CCDC86: variants seen among roughly 807,000 people sequenced by gnomAD.
The protein encoded by CCDC86 is coiled-coil domain containing 86.
In CCDC86, 28 loss-of-function variants were observed where a neutral mutation model predicts 36.7. That is an observed-to-expected ratio of 0.76 (90% CI 0.57 to 1.05). The LOEUF (loss-of-function observed/expected upper bound fraction) is 1.05. Among genes scored for constraint, CCDC86 ranks in the 50% least tolerant of loss-of-function variants. The pLI is 0.00. For missense variants in CCDC86, 453 were observed against 470.2 expected, an observed-to-expected ratio of 0.96 and a Z score of 0.34; for synonymous variants, 199 against 203.4, an observed-to-expected ratio of 0.98 and a Z score of 0.18.
At position 60,842,321 on chromosome 11, in the gene CCDC86, G is replaced by T; in HGVS notation, c.197G>T (p.Ser66Ile). The T allele has an allele frequency of 6.2e-7, 1 of 1,613,746 alleles. No individual in the cohort carries two copies. The highest frequency in any genetic ancestry group is 8.5e-7 in the Non-Finnish European group (1 of 1,179,926). Residue 66 changes from serine to isoleucine, a missense_variant, in exon 1 of 4, where the codon AGC becomes ATC. Physicochemically the swap from Ser to Ile is moderately radical, Grantham distance 142. Coordinates refer to ENST00000227520, the MANE Select transcript of CCDC86 (RefSeq NM_024098.4). ...TCCCCCGAAAGGCCGCCGAAGACAAGCCCAGGATCACCCCGTCTGCAGCAG... is the reference window on the plus strand; with the variant it reads ...TCCCCCGAAAGGCCGCCGAAGACAATCCCAGGATCACCCCGTCTGCAGCAG... ...LGSPERPPKT[S>I]PGSPRLQQGA... is the part of the protein sequence containing the mutation.
chr11:60,848,813 G>A (rs890913249), intron 2 of CCDC86, among the ~76,000 whole-genome samples: 26 of 152,256 alleles, frequency 1.7e-4, no homozygotes, highest in African/African-American at 6.0e-4. Flanking sequence ...GAGAAAAGGG[G>A]TGGGCCAGTC....
chr11:60,847,980 A>C lies in CCDC86; in HGVS notation c.815A>C (p.Lys272Thr). 6.2e-7 allele frequency: 1 copy of C among 1,613,616 alleles called. No individual in the cohort carries two copies. The highest frequency in any genetic ancestry group is 8.5e-7 in the Non-Finnish European group (1 of 1,179,660). ...PLRTSWQRKM[K>T]ERQERKLAKD... The stretch of plus-strand genomic sequence containing the variant: ...CGCACATCGTGGCAGCGGAAGATGA[A>C]GGAACGACAGGAGAGGAAGCTGGCC... The change falls in exon 2 of 4, where the codon AAG becomes ACG. Residue 272 changes from lysine (K) to threonine (T), a missense_variant. Lys to Thr is a moderately conservative substitution (Grantham distance 78). Transcript: ENST00000227520.
At chr11:60,848,615 G>A (rs895838669) in intron 2 of CCDC86, among the ~76,000 whole-genome samples, 4 of 152,116 alleles carry the variant, frequency 2.6e-5, no homozygotes, top group Non-Finnish European at 5.9e-5. Flanking sequence ...TTTTAAGCGG[G>A]GGGAAGAGGG....
intron 1 of CCDC86, 86 bp downstream of exon 1, chr11:60,842,968 C>A (rs936111249): frequency 2.0e-6 from 3 of 1,474,360 alleles, no homozygotes; most frequent in African/African-American, 2.8e-5. Context: ...TGGAGAATAG[C>A]CCCAGGGTTA....
intron 1 of CCDC86, chr11:60,847,635 C>T: frequency 1.1e-5 from 2 of 182,818 alleles, no homozygotes; most frequent in Non-Finnish European, 2.3e-5. Context: ...TATCTTTAGG[C>T]AGCTATTTAA....
rs1855243699 is a variant in CCDC86 at position 60,850,275 on chromosome 11, C to T, written c.1033C>T (p.Leu345=). 1 of 1,614,192 alleles carries T rather than the reference C, an allele frequency of 6.2e-7. No homozygotes were observed. Residue 345 remains leucine, a synonymous_variant, in exon 4 of 4, where the codon CTG becomes TTG. Transcript: ENST00000227520. ...GCGCTCCATTGAGAAGCGGGACACCCTGGCCCTGCTGCAGAAGCAGCCGCC... is the reference window on the plus strand; with the variant it reads ...GCGCTCCATTGAGAAGCGGGACACCTTGGCCCTGCTGCAGAAGCAGCCGCC... ...QLRSIEKRDT[L]ALLQKQPPQQ... is the part of the protein sequence containing the mutation.
rs1331445800 is a variant in CCDC86 at position 60,847,933 on chromosome 11, G to A, written c.768G>A (p.Gln256=). 4 of 1,611,674 alleles carry A rather than the reference G, an allele frequency of 2.5e-6. No individual in the cohort carries two copies. The highest frequency in any genetic ancestry group is 3.4e-6 in the Non-Finnish European group (4 of 1,178,614). ...WKDRSKKRFS[Q]MLQDKPLRTS... The stretch of plus-strand genomic sequence containing the variant: ...ACTCTCCCCCTTTCAGATTCTCCCA[G>A]ATGCTTCAGGACAAGCCCCTGCGCA... Residue 256 remains glutamine (Q), a synonymous_variant, in exon 2 of 4, where the codon CAG becomes CAA. Coordinates refer to ENST00000227520, the MANE Select transcript of CCDC86 (RefSeq NM_024098.4).
rs767526770 is a variant in CCDC86, at chr11:60,842,559, G to A, written c.435G>A (p.Leu145=). ...AGTTGGCCCAGAATAAGGAGGAGCT[G>A]ACCCCGGGGGCCCCCCAGCATCAGC... ...ASELAQNKEE[L]TPGAPQHQLP... The change falls in exon 1 of 4, where the codon CTG becomes CTA. Residue 145 remains leucine, a synonymous_variant. Coordinates refer to ENST00000227520, the MANE Select transcript of CCDC86 (RefSeq NM_024098.4). 1.2e-6 allele frequency: 2 copies of A among 1,613,144 alleles called. No homozygotes were observed. Among genetic ancestry groups the A allele is most frequent in the South Asian group, 2.2e-5 (2 of 91,066 alleles).
chr11:60,842,908 G>A, intron 1 of CCDC86, 26 bp downstream of exon 1: 2 of 1,538,498 alleles, frequency 1.3e-6, no homozygotes, highest in Non-Finnish European at 1.8e-6. Context: ...GCATGGACAG[G>A]GGTGGCGTTC....
intron 1 of CCDC86, among the ~76,000 whole-genome samples, chr11:60,845,531 G>T (rs1277873766): frequency 1.3e-5 from 2 of 152,264 alleles, no homozygotes; most frequent in Non-Finnish European, 2.9e-5. Context: ...AGCAGCTTCG[G>T]TGGGTAGTAA....
In CCDC86 at chr11:60,847,913, C is replaced by T; in HGVS notation, c.759-11C>T. 2 of 1,608,310 alleles carry T rather than the reference C, an allele frequency of 1.2e-6. No homozygotes were observed. Among genetic ancestry groups the T allele is most frequent in the Non-Finnish European group, 1.7e-6 (2 of 1,176,502 alleles). Reference sequence around the variant, plus strand: ...CACAGACCCTGTATGCACCCACTCTCCCCCTTTCAGATTCTCCCAGATGCT... The same window carrying T: ...CACAGACCCTGTATGCACCCACTCTTCCCCTTTCAGATTCTCCCAGATGCT... On this transcript the variant is annotated splice_polypyrimidine_tract_variant and intron_variant, in intron 1 of 3. Transcript: ENST00000227520.
chr11:60,845,084 T>C (rs1466700551), intron 1 of CCDC86, among the ~76,000 whole-genome samples: 1 of 152,204 alleles, frequency 6.6e-6, no homozygotes, highest in Non-Finnish European at 1.5e-5. Flanking sequence ...TAAACAGGTC[T>C]GAGCAGAGGG....
chr11:60,848,768 A>G (rs997042225), intron 2 of CCDC86, among the ~76,000 whole-genome samples: 5 of 151,952 alleles, frequency 3.3e-5, no homozygotes, highest in Middle Eastern at 6.8e-3. Context: ...GATTCAGACA[A>G]CTCATCCATA....
intron 1 of CCDC86, among the ~76,000 whole-genome samples, chr11:60,843,244 T>C (rs915618978): frequency 6.6e-6 from 1 of 152,252 alleles, no homozygotes; most frequent in Admixed American, 6.5e-5. Context: ...CAGTGAGGTC[T>C]TCATCCAATA....
intron 1 of CCDC86, among the ~76,000 whole-genome samples, chr11:60,845,772 G>T (rs1345265059): frequency 2.0e-5 from 3 of 152,194 alleles, no homozygotes; most frequent in Non-Finnish European, 4.4e-5. Flanking sequence ...CCACCCTTTG[G>T]GTTAGGAATG....
chr11:60,848,244 C>T (rs1855212404), intron 2 of CCDC86, among the ~76,000 whole-genome samples, 191 bp downstream of exon 2: 1 of 149,740 alleles, frequency 6.7e-6, no homozygotes, highest in Non-Finnish European at 1.5e-5. Context: ...GACTACAGGG[C>T]AGGGAGGCCC....
rs747551143 is a variant in CCDC86 at position 60,850,231 on chromosome 11, G to T, written c.989G>T (p.Arg330Leu). 1 of 1,614,210 alleles carries T rather than the reference G, an allele frequency of 6.2e-7. No individual in the cohort carries two copies. The highest frequency in any genetic ancestry group is 2.2e-5 in the East Asian group (1 of 44,878). ...ATCCGAAACCCCGCCAAGCTCAAGC[G>T]GGCAAAGAAGAAGCAGCTGCGCTCC... Reference protein sequence around the residue: ...QVIRNPAKLKRAKKKQLRSIE... With the variant: ...QVIRNPAKLKLAKKKQLRSIE... The change falls in exon 4 of 4, where the codon CGG becomes CTG. Residue 330 changes from arginine (R) to leucine (L), a missense_variant. Transcript: ENST00000227520.
rs1855144536 is a variant in CCDC86 at position 60,843,047 on chromosome 11, G to A, written c.758+165G>A. 3 of 1,007,596 alleles carry A rather than the reference G, an allele frequency of 3.0e-6. No homozygotes were observed. In the African/African-American group the frequency reaches 4.9e-5, roughly 17 times the overall value. 62.4% of individuals were successfully genotyped at this position (1,007,596 alleles called of 1,614,324 possible). A position where few individuals can be genotyped will look rare whatever the true frequency, so the allele number is the denominator to read the frequency against. On this transcript the variant is annotated intron_variant, in intron 1 of 3. Transcript: ENST00000227520. ...CAATCAGAATGTGGTAAAATGCCCT[G>A]GGATCCCGGAGAGGGTGGGGCCAGG...
chr11:60,845,162 G>A (rs151283379), intron 1 of CCDC86, among the ~76,000 whole-genome samples: 5 of 152,282 alleles, frequency 3.3e-5, no homozygotes, highest in South Asian at 2.1e-4. Context: ...GTATTGAGGC[G>A]GGAGCAAGCT....
Sources: allele counts gnomAD v4.1 joint callset (sites outside exome capture counted in the v4.1 genomes callset), GRCh38; gene constraint gnomAD v4.1.1; transcripts MANE v1.5; gene names NCBI Gene and HGNC (gene_info 2026-07-23, HGNC 2026-07-21).